The following HDAC9 variants were observed in gnomAD, a reference collection of about 807,000 sequenced individuals.
The protein encoded by HDAC9 is histone deacetylase 9.
In HDAC9, 41 loss-of-function variants were observed where a neutral mutation model predicts 139.4. The observed-to-expected ratio is 0.29, with a 90% CI of 0.23 to 0.38. HDAC9 has a LOEUF of 0.38. Ranked by LOEUF, HDAC9 falls within the 10% of genes least tolerant of loss-of-function variation. The probability of loss-of-function intolerance (pLI) is 1.00; values close to 1 mark genes in which losing one functional copy is unlikely to be tolerated. For missense variants in HDAC9, 1,147 were observed against 1,297.0 expected, an observed-to-expected ratio of 0.88 and a Z score of 1.78; for synonymous variants, 517 against 476.2, an observed-to-expected ratio of 1.09 and a Z score of -1.12.
At chr7:18,980,332 A>G (rs1224239681) in intron 25 of HDAC9, among the ~76,000 whole-genome samples, 1 of 152,216 alleles carries the variant, frequency 6.6e-6, no homozygotes, top group Non-Finnish European at 1.5e-5. Context: ...AAGATGCATA[A>G]TTTAGCTTCC....
At chr7:18,590,955 A>G (rs920653947) in intron 4 of HDAC9, among the ~76,000 whole-genome samples, 7 of 152,242 alleles carry the variant, frequency 4.6e-5, no homozygotes, top group Non-Finnish European at 1.5e-5. Flanking sequence ...AGGGAGACAG[A>G]TCCAAATAAT....
chr7:18,392,835 T>C (rs577794709), intron 1 of HDAC9, among the ~76,000 whole-genome samples: 7 of 148,530 alleles, frequency 4.7e-5, no homozygotes, highest in South Asian at 2.1e-4. Flanking sequence ...ATACTTTTCC[T>C]CTCACCCTGT....
intron 2 of HDAC9, among the ~76,000 whole-genome samples, chr7:18,581,166 T>A (rs1705720352): frequency 6.6e-6 from 1 of 152,166 alleles, no homozygotes; most frequent in South Asian, 2.1e-4. Flanking sequence ...TTCATGCCTT[T>A]GCTCTCCTCT....
chr7:18,823,416 T>C (rs1050333254), intron 17 of HDAC9, among the ~76,000 whole-genome samples: 2 of 152,178 alleles, frequency 1.3e-5, no homozygotes, highest in African/African-American at 4.8e-5. Flanking sequence ...TGGTTGTGAA[T>C]TTAGACAAGT....
intron 17 of HDAC9, among the ~76,000 whole-genome samples, chr7:18,821,479 C>T (rs1297150238): frequency 6.6e-6 from 1 of 152,146 alleles, no homozygotes; most frequent in Non-Finnish European, 1.5e-5. Context: ...CTGCAGGAAC[C>T]AAAAGGCCAG....
At chr7:18,988,095 C>T (rs1475589663) in intron 25 of HDAC9, among the ~76,000 whole-genome samples, 3 of 151,984 alleles carry the variant, frequency 2.0e-5, no homozygotes, top group Non-Finnish European at 2.9e-5. Flanking sequence ...TATTTCTTGC[C>T]TTCTGCTAGC....
intron 17 of HDAC9, among the ~76,000 whole-genome samples, chr7:18,819,658 A>G (rs1185438828): frequency 3.9e-5 from 6 of 152,250 alleles, no homozygotes; most frequent in African/African-American, 1.4e-4. Flanking sequence ...AGAAACATCC[A>G]TAACACCAAT....
chr7:18,925,061 G>A (rs76868779), intron 22 of HDAC9, among the ~76,000 whole-genome samples: 1 of 152,238 alleles, frequency 6.6e-6, no homozygotes, highest in Non-Finnish European at 1.5e-5. Flanking sequence ...CAAAAAAATC[G>A]AAGTGGATCA....
In HDAC9 at chr7:18,114,894, G is replaced by A. The variant is rs151219616; in HGVS notation, c.-97+27681G>A. On this transcript the variant is annotated intron_variant, in intron 1 of 12. Transcript: ENST00000417496. The stretch of plus-strand genomic sequence containing the variant: ...TTGTTTGAAATATGTTAGCCTCTTC[G>A]CAGCTAAAAAATATTAGAAACGAGT... Among the ~76,000 whole-genome samples the A allele has an allele frequency of 2.8e-3, 429 of 152,206 alleles. 3 individuals are homozygous for A. The highest frequency in any genetic ancestry group is 9.9e-3 in the African/African-American group (412 of 41,514).
chr7:18,357,114 T>G (rs892177934), intron 1 of HDAC9, among the ~76,000 whole-genome samples: 6 of 152,280 alleles, frequency 3.9e-5, no homozygotes, highest in African/African-American at 1.4e-4. Context: ...CATTCTAGGA[T>G]CTTATAGAAT....
intron 22 of HDAC9, among the ~76,000 whole-genome samples, chr7:18,879,339 A>G (rs115321516): frequency 0.032 from 4,805 of 152,234 alleles, 267 homozygotes; most frequent in East Asian, 0.15. Flanking sequence ...CCAAAAAAAG[A>G]GCCCAAATAG....
At chr7:18,859,740 T>C (rs1414316950) in intron 21 of HDAC9, among the ~76,000 whole-genome samples, 2 of 147,628 alleles carry the variant, frequency 1.4e-5, no homozygotes, top group Non-Finnish European at 3.0e-5. Context: ...GACCTTTCTT[T>C]TTCCTTATTT....
chr7:18,326,539 G>A (rs1800460847), intron 1 of HDAC9, among the ~76,000 whole-genome samples: 1 of 151,820 alleles, frequency 6.6e-6, no homozygotes, highest in African/African-American at 2.4e-5. Context: ...GTCCCAAATA[G>A]CCAAACATGC....
chr7:18,532,556 A>T (rs994299289), intron 2 of HDAC9, among the ~76,000 whole-genome samples: 1 of 152,102 alleles, frequency 6.6e-6, no homozygotes, highest in Non-Finnish European at 1.5e-5. Context: ...TCTTCTCTCT[A>T]CTCTGAATAT....
intron 2 of HDAC9, among the ~76,000 whole-genome samples, chr7:18,525,086 A>T (rs972741505): frequency 6.6e-6 from 1 of 152,128 alleles, no homozygotes; most frequent in African/African-American, 2.4e-5. Flanking sequence ...AACTAGAAAA[A>T]TCCTAATAAA....
chr7:18,568,645 T>G (rs972181332), intron 2 of HDAC9, among the ~76,000 whole-genome samples: 1 of 152,226 alleles, frequency 6.6e-6, no homozygotes, highest in Non-Finnish European at 1.5e-5. Context: ...TAATTATGTT[T>G]TATTTTAGAT....
chr7:18,913,656 G>A (rs899804388), intron 22 of HDAC9, among the ~76,000 whole-genome samples: 1 of 151,992 alleles, frequency 6.6e-6, no homozygotes, highest in African/African-American at 2.4e-5. Context: ...GCTTTGAGAG[G>A]TGGTTCAGTA....
intron 1 of HDAC9, among the ~76,000 whole-genome samples, chr7:18,382,891 G>GTATGTA (rs1785567521): frequency 6.6e-6 from 1 of 152,224 alleles, no homozygotes; most frequent in East Asian, 1.9e-4. Context: ...GTATGAGTGT[G>GTATGTA]TATGTATATG....
intron 1 of HDAC9, among the ~76,000 whole-genome samples, chr7:18,456,798 A>G (rs1395771069): frequency 6.6e-6 from 1 of 152,100 alleles, no homozygotes; most frequent in African/African-American, 2.4e-5. Flanking sequence ...GATTTTTCAA[A>G]TTGTTTTTTA....
Sources: gnomAD v4.1 joint callset for allele counts (sites outside exome capture counted in the v4.1 genomes callset) on GRCh38, gnomAD v4.1.1 for gene constraint, MANE v1.5 for transcripts, NCBI Gene and HGNC (gene_info 2026-07-23, HGNC 2026-07-21) for gene names.